The following NTMT2 variants were observed in gnomAD, a reference collection of about 807,000 sequenced individuals.
The protein encoded by NTMT2 is X-Pro-Lys N-terminal protein methyltransferase 1B.
A neutral mutation model predicts 23.4 loss-of-function variants in NTMT2; 21 were observed. The ratio of observed to expected loss-of-function variants is 0.90; its 90% CI spans 0.64 to 1.29. The LOEUF is 1.29. Ranked by LOEUF, NTMT2 falls within the 50% of genes most tolerant of loss-of-function variation. NTMT2 has a pLI of 0.00. For synonymous variants in NTMT2, 131 were observed against 127.7 expected (o/e 1.03, Z -0.17); for missense variants, 336 against 352.0 (o/e 0.95, Z 0.36).
At chr1:170,162,411 A>T (rs1031235074) in intron 2 of NTMT2, among the ~76,000 whole-genome samples, 5 of 152,208 alleles carry the variant, frequency 3.3e-5, no homozygotes, top group African/African-American at 1.2e-4. Flanking sequence ...CCAGAGAGTG[A>T]CAGTAGATAA....
chr1:170,166,669 A>T lies in NTMT2; in HGVS notation c.498A>T (p.Val166=), dbSNP rs1673397627. ...ACCTGCAGGTCAAAGGTGACAAAGT[A>T]GAAAGCTACCACTGCTACAGCCTGC... ...QNYLQVKGDK[V]ESYHCYSLQE... Residue 166 remains valine, a synonymous_variant, in exon 3 of 4, where the codon GTA becomes GTT. Transcript: ENST00000439373. 6.4e-7 allele frequency: 1 copy of T among 1,552,234 alleles called. No homozygotes were observed.
chr1:170,148,142 C>CA (rs1673001944), intron 1 of NTMT2, among the ~76,000 whole-genome samples: 1 of 74,568 alleles, frequency 1.3e-5, no homozygotes, highest in African/African-American at 5.6e-5. Context: ...TGAGGCACTC[C>CA]TTTTTTTTTT....
rs1673428107 is a variant in NTMT2, at chr1:170,167,871, A to G, written c.*114A>G. Reference sequence around the variant, plus strand: ...GGGATGGCAAGAAAAGGGATACAACATATGTCTGCAAATTATTTGTGATAT... The same window carrying G: ...GGGATGGCAAGAAAAGGGATACAACGTATGTCTGCAAATTATTTGTGATAT... On this transcript the variant is annotated 3_prime_UTR_variant, in exon 4 of 4. Transcript: ENST00000439373. The G allele has an allele frequency of 9.2e-7, 1 of 1,089,710 alleles. No individual in the cohort carries two copies. Among genetic ancestry groups the G allele is most frequent in the Admixed American group, 2.9e-5 (1 of 33,938 alleles). 67.5% of individuals were successfully genotyped at this position (1,089,710 alleles called of 1,614,324 possible).
rs1477269311 is a variant in NTMT2, at chr1:170,167,884, T to C, written c.*127T>C. 4.2e-6 allele frequency: 4 copies of C among 951,790 alleles called. No individual in the cohort carries two copies. In the African/African-American group the frequency reaches 5.0e-5, roughly 12 times the overall value. 59.0% of individuals were successfully genotyped at this position (951,790 alleles called of 1,614,324 possible). A position where few individuals can be genotyped will look rare whatever the true frequency, so the allele number is the denominator to read the frequency against. On this transcript the variant is annotated 3_prime_UTR_variant, in exon 4 of 4. Transcript: ENST00000439373. ...AAGGGATACAACATATGTCTGCAAA[T>C]TATTTGTGATATAATATGTACATGT...
chr1:170,149,948 C>T lies in NTMT2; in HGVS notation c.154+3687C>T, dbSNP rs1352633365. The stretch of plus-strand genomic sequence containing the variant: ...TTTTCAGTTTGGAAATAAAACTTAG[C>T]CAGAAGAGATGCTTCCTCTCCAGCT... On this transcript the variant is annotated intron_variant, in intron 1 of 3. Coordinates refer to ENST00000439373, the MANE Select transcript of NTMT2 (RefSeq NM_001136107.2). Among the ~76,000 whole-genome samples, 6 of 152,132 alleles carry T rather than the reference C, an allele frequency of 3.9e-5. No individual in the cohort carries two copies. In the East Asian group the frequency reaches 1.2e-3, roughly 29 times the overall value.
At position 170,145,995 on chromosome 1, in the gene NTMT2, G is replaced by A. The variant is rs765304456; in HGVS notation, c.-113G>A. 3.5e-5 allele frequency: 35 copies of A among 1,002,186 alleles called. No individual in the cohort carries two copies. Among genetic ancestry groups the A allele is most frequent in the Non-Finnish European group, 4.9e-5 (34 of 694,846 alleles). 62.1% of individuals were successfully genotyped at this position (1,002,186 alleles called of 1,614,324 possible). A position where few individuals can be genotyped will look rare whatever the true frequency, so the allele number is the denominator to read the frequency against. ...AGCCTGTCCTGATATAGATGGAGAGGGGACTGGTTTAAAATGACAGTCTCA... is the reference window on the plus strand; with the variant it reads ...AGCCTGTCCTGATATAGATGGAGAGAGGACTGGTTTAAAATGACAGTCTCA... On this transcript the variant is annotated 5_prime_UTR_variant, in exon 1 of 4. Coordinates refer to ENST00000439373, the MANE Select transcript of NTMT2 (RefSeq NM_001136107.2).
At chr1:170,160,170 A>G (rs1673249979) in intron 1 of NTMT2, among the ~76,000 whole-genome samples, 1 of 152,250 alleles carries the variant, frequency 6.6e-6, no homozygotes, top group Admixed American at 6.5e-5. Flanking sequence ...TCACTGCAAA[A>G]TTGATGACAT....
intron 2 of NTMT2, among the ~76,000 whole-genome samples, chr1:170,162,756 C>T (rs912985744): frequency 1.3e-5 from 2 of 152,176 alleles, no homozygotes; most frequent in Admixed American, 6.5e-5. Context: ...AGAGACAGAA[C>T]AGTGAATTAA....
At chr1:170,154,072 G>C (rs1394912794) in intron 1 of NTMT2, among the ~76,000 whole-genome samples, 1 of 152,162 alleles carries the variant, frequency 6.6e-6, no homozygotes, top group Non-Finnish European at 1.5e-5. Flanking sequence ...GGCTCAAAGG[G>C]ACCCAGGTAC....
At chr1:170,166,472 TACTTG>T (rs1673389318) in intron 2 of NTMT2, 25 bp from the exon 3 acceptor site, 1 of 1,551,596 alleles carries the variant, frequency 6.4e-7, no homozygotes, top group African/African-American at 1.4e-5. Flanking sequence ...TGGGTCTCTG[TACTTG>T]AAATATCAAG....
At position 170,167,621 on chromosome 1, in the gene NTMT2, C is replaced by T. The variant is rs1395885758; in HGVS notation, c.716C>T (p.Thr239Ile). ...CILDLSDSSVTRDMDILRSLI... is the reference protein window; with the variant it reads ...CILDLSDSSVIRDMDILRSLI... ...CTTGATCTCTCTGACAGCAGTGTGACTCGGGACATGGACATCCTCCGGAGC... is the reference window on the plus strand; with the variant it reads ...CTTGATCTCTCTGACAGCAGTGTGATTCGGGACATGGACATCCTCCGGAGC... Residue 239 changes from threonine (T) to isoleucine (I), a missense_variant, in exon 4 of 4, where the codon ACT (threonine) becomes ATT (isoleucine). Transcript: ENST00000439373. 1 of 1,551,570 alleles carries T rather than the reference C, an allele frequency of 6.4e-7. No individual in the cohort carries two copies. The highest frequency in any genetic ancestry group is 8.7e-7 in the Non-Finnish European group (1 of 1,147,002).
chr1:170,153,364 G>T (rs1358123354), intron 1 of NTMT2, among the ~76,000 whole-genome samples: 1 of 152,224 alleles, frequency 6.6e-6, no homozygotes. Context: ...ATGGGAAGAG[G>T]TTGGAAGAAT....
At chr1:170,154,456 A>T (rs1411719186) in intron 1 of NTMT2, among the ~76,000 whole-genome samples, 1 of 152,220 alleles carries the variant, frequency 6.6e-6, no homozygotes, top group East Asian at 1.9e-4. Flanking sequence ...AAGACCTTGG[A>T]AGTCCACACC....
chr1:170,152,668 G>A (rs1325377285), intron 1 of NTMT2, among the ~76,000 whole-genome samples: 2 of 151,928 alleles, frequency 1.3e-5, no homozygotes, highest in East Asian at 1.9e-4. Context: ...TAGTATCCTG[G>A]CACATTTAAA....
rs1239445782 is a variant in NTMT2, at chr1:170,160,814, G to A, written c.330+121G>A. The A allele has an allele frequency of 2.0e-5, 15 of 763,932 alleles. No individual in the cohort carries two copies. The Admixed American group carries it at 2.5e-4, about 13-fold the overall frequency. 47.3% of individuals were successfully genotyped at this position (763,932 alleles called of 1,614,324 possible). On this transcript the variant is annotated intron_variant, in intron 2 of 3. Transcript: ENST00000439373. ...ATATGACCCAGCCAAGAGTTCTGCC[G>A]CCTGCAAGCCGGTTTTAAGATGTTC...
rs1039916966 is a variant in NTMT2 at position 170,167,480 on chromosome 1, T to G, written c.581-6T>G. The G allele has an allele frequency of 2.9e-5, 44 of 1,543,342 alleles. No homozygotes were observed. The highest frequency in any genetic ancestry group is 5.9e-5 in the Admixed American group (3 of 50,620). ...TGTTCCCCCATCCACTTGGTCTCCC[T>G]TGTAGGGCACCTGACTGATAAGGAC... On this transcript the variant is annotated splice_region_variant and splice_polypyrimidine_tract_variant and intron_variant, in intron 3 of 3. Coordinates refer to ENST00000439373, the MANE Select transcript of NTMT2 (RefSeq NM_001136107.2).
rs1402280772 is a variant in NTMT2, at chr1:170,168,058, G to A, written c.*301G>A. On this transcript the variant is annotated 3_prime_UTR_variant, in exon 4 of 4. Transcript: ENST00000439373. ...TGTGCAAGCGTGCATGAAAACAGAAGGCATAAAGGACAGCTGGCCTGCATC... is the reference window on the plus strand; with the variant it reads ...TGTGCAAGCGTGCATGAAAACAGAAAGCATAAAGGACAGCTGGCCTGCATC... Among the ~76,000 whole-genome samples, 1 of 151,756 alleles carries A rather than the reference G, an allele frequency of 6.6e-6. No individual in the cohort carries two copies. Among genetic ancestry groups the A allele is most frequent in the Non-Finnish European group, 1.5e-5 (1 of 67,964 alleles).
intron 2 of NTMT2, among the ~76,000 whole-genome samples, chr1:170,166,058 T>G (rs1673372017): frequency 6.7e-6 from 1 of 149,690 alleles, no homozygotes; most frequent in African/African-American, 2.5e-5. Flanking sequence ...AAATGGTACA[T>G]TTCATTTCAT....
chr1:170,159,420 G>GTTTTTTT (rs1673225599), intron 1 of NTMT2, among the ~76,000 whole-genome samples: 4 of 88,224 alleles, frequency 4.5e-5, no homozygotes, highest in Non-Finnish European at 6.4e-5. Flanking sequence ...TTTATGCTCT[G>GTTTTTTT]GTTTTTTTTT....
Sources: allele counts gnomAD v4.1 joint callset (sites outside exome capture counted in the v4.1 genomes callset), GRCh38; gene constraint gnomAD v4.1.1; transcripts MANE v1.5; gene names NCBI Gene and HGNC (gene_info 2026-07-23, HGNC 2026-07-21).